The following USH1C variants were observed in gnomAD, a reference collection of about 807,000 sequenced individuals.
The protein encoded by USH1C is USH1 protein network component harmonin.
A neutral mutation model predicts 119.3 loss-of-function variants in USH1C; 90 were observed. The observed-to-expected ratio is 0.75, with a 90% CI of 0.64 to 0.90. The LOEUF is 0.90. Among genes scored for constraint, USH1C ranks in the 40% least tolerant of loss-of-function variants. USH1C has a pLI of 0.00. For missense variants in USH1C, 1,165 were observed against 1,167.7 expected, an observed-to-expected ratio of 1.00 and a Z score of 0.03; for synonymous variants, 465 against 443.3, an observed-to-expected ratio of 1.05 and a Z score of -0.62.
At chr11:17,527,480 C>T in intron 4 of USH1C, 149 bp from the exon 5 acceptor site, 1 of 697,062 alleles carries the variant, frequency 1.4e-6, no homozygotes, top group East Asian at 2.7e-5. Context: ...TCAACCAACC[C>T]ACCCTCCATC....
At chr11:17,523,360 G>T (rs1565052024) in intron 10 of USH1C, 59 bp downstream of exon 10, 1 of 1,613,510 alleles carries the variant, frequency 6.2e-7, no homozygotes, top group Non-Finnish European at 8.5e-7. Flanking sequence ...GGGTGGTGGG[G>T]ATGAGAAGTG....
chr11:17,494,116 C>G lies in USH1C; in HGVS notation c.*216G>C, dbSNP rs1393716061. The stretch of plus-strand genomic sequence containing the variant: ...GAGTCTGGATCCTTGAGATCTTCTC[C>G]CAAATGGCTGGCTGCTCCCTTTCCT... On this transcript the variant is annotated 3_prime_UTR_variant, in exon 27 of 27. Transcript: ENST00000005226. 2 of 607,020 alleles carry G rather than the reference C, an allele frequency of 3.3e-6. No individual in the cohort carries two copies. The highest frequency in any genetic ancestry group is 3.7e-5 in the African/African-American group (2 of 53,916). The allele number at this position is 607,020 out of a possible 1,614,324, so 37.6% of individuals were successfully genotyped here. A position where few individuals can be genotyped will look rare whatever the true frequency, so the allele number is the denominator to read the frequency against.
intron 1 of USH1C, among the ~76,000 whole-genome samples, chr11:17,534,897 C>T (rs1004519458): frequency 4.2e-5 from 6 of 143,518 alleles, no homozygotes; most frequent in African/African-American, 7.6e-5. Context: ...AAAAAAGGAG[C>T]TCCCAGATGA....
Position 17,509,592 on chromosome 11 carries a change from A to T in USH1C, c.1777T>A (p.Ser593Thr). 1.3e-6 allele frequency: 2 copies of T among 1,571,086 alleles called. No individual in the cohort carries two copies. Among genetic ancestry groups the T allele is most frequent in the Non-Finnish European group, 1.7e-6 (2 of 1,165,088 alleles). Residue 593 changes from serine to threonine, a missense_variant, in exon 18 of 27, where the codon TCT (serine) becomes ACT (threonine). By Grantham distance (58) the Ser-to-Thr change is moderately conservative (BLOSUM62 1). Coordinates refer to ENST00000005226, the MANE Select transcript of USH1C (RefSeq NM_153676.4). ...GGTGGAGTGCGCTGCACCCATGGAG[A>T]GGATGAGGCGCTCACATGGCCAGAT... is the stretch of plus-strand genomic sequence containing the variant. ...PLSGHVSASS[S>T]PWVQRTPPPI...
At chr11:17,494,450 C>T in intron 26 of USH1C, 74 bp from the exon 27 acceptor site, 3 of 1,516,200 alleles carry the variant, frequency 2.0e-6, no homozygotes, top group Admixed American at 3.9e-5. Context: ...AGAGCAAGGC[C>T]CCACAAGGGG....
intron 1 of USH1C, among the ~76,000 whole-genome samples, chr11:17,543,507 C>A (rs1461777740): frequency 6.6e-6 from 1 of 152,194 alleles, no homozygotes; most frequent in Non-Finnish European, 1.5e-5. Flanking sequence ...CCTCTCTGGT[C>A]TCAGGGCCTC....
rs770331652 is a variant in USH1C, at chr11:17,496,810, A to C, written c.2494T>G (p.Trp832Gly). The C allele has an allele frequency of 6.2e-7, 1 of 1,614,184 alleles. No homozygotes were observed. The highest frequency in any genetic ancestry group is 1.7e-5 in the Admixed American group (1 of 60,022). Reference sequence around the variant, plus strand: ...CAGACGGCAACCACAAGGTCGATCCAGTCCTGTGGGGAGAAGCCGTGTGAC... The same window carrying C: ...CAGACGGCAACCACAAGGTCGATCCCGTCCTGTGGGGAGAAGCCGTGTGAC... ...LQKAWNQGGD[W>G]IDLVVAVCPP... is the part of the protein sequence containing the mutation. The change falls in exon 25 of 27, where the codon TGG becomes GGG. Residue 832 changes from tryptophan (W) to glycine (G), a missense_variant. Physicochemically the swap from Trp to Gly is radical, Grantham distance 184. Coordinates refer to ENST00000005226, the MANE Select transcript of USH1C (RefSeq NM_153676.4).
At position 17,509,577 on chromosome 11, in the gene USH1C, G is replaced by T. The variant is rs111033520; in HGVS notation, c.1792C>A (p.Arg598Ser). The part of the protein sequence containing the change: ...VSASSSPWVQ[R>S]TPPPIPIPPP... ...GGGATGGGAATGGGGGGTGGAGTGC[G>T]CTGCACCCATGGAGAGGATGAGGCG... Residue 598 changes from arginine to serine, a missense_variant, in exon 18 of 27, where the codon CGC (arginine) becomes AGC (serine). Transcript: ENST00000005226. 2 of 1,600,652 alleles carry T rather than the reference G, an allele frequency of 1.2e-6. No homozygotes were observed. Among genetic ancestry groups the T allele is most frequent in the Non-Finnish European group, 1.7e-6 (2 of 1,174,424 alleles).
At chr11:17,541,677 C>T (rs1307552330) in intron 1 of USH1C, among the ~76,000 whole-genome samples, 1 of 152,220 alleles carries the variant, frequency 6.6e-6, no homozygotes, top group Non-Finnish European at 1.5e-5. Context: ...AAGGTTGCTA[C>T]TAGTTACTGG....
chr11:17,531,110 G>A lies in USH1C; in HGVS notation c.387+44C>T, dbSNP rs1161530971. ...TGGATGAATGAGGGGGAGGCAGGAG[G>A]TCCGAGGCCCTCGCTCCCCCTCCCC... is the stretch of plus-strand genomic sequence containing the variant. On this transcript the variant is annotated intron_variant, in intron 4 of 26. Coordinates refer to ENST00000005226, the MANE Select transcript of USH1C (RefSeq NM_153676.4). This position sits in a 1 kb window ranked among gnomAD's most constrained non-coding sequence, Gnocchi z 4.2. 6.2e-7 allele frequency: 1 copy of A among 1,612,832 alleles called. No individual in the cohort carries two copies. Among genetic ancestry groups the A allele is most frequent in the South Asian group, 1.1e-5 (1 of 91,014 alleles).
At chr11:17,526,909 C>T (rs1646717330) in intron 6 of USH1C, 99 bp from the exon 7 acceptor site, 2 of 1,577,650 alleles carry the variant, frequency 1.3e-6, no homozygotes, top group South Asian at 1.1e-5. Flanking sequence ...CCTCCAGCCT[C>T]CACTGGCCCA....
intron 1 of USH1C, among the ~76,000 whole-genome samples, chr11:17,537,613 G>C (rs1851281877): frequency 6.6e-6 from 1 of 152,120 alleles, no homozygotes; most frequent in African/African-American, 2.4e-5. Flanking sequence ...CAAAAAAGTA[G>C]GTCCCAGCGA....
Position 17,516,268 on chromosome 11 carries a change from G to C in USH1C, c.1233C>G (p.Tyr411Ter), listed in dbSNP as rs377439949. ...TCCGGATGGTTGGGAATTTGCCATC[G>C]TAACGATAAAACCATCCAAAAGCTA... ...KPKSFGWFYR[Y>*]DGKFPTIRKK... is the part of the protein sequence containing the mutation. Residue 411 changes from tyrosine (Y) to a stop codon, truncating the protein, a stop_gained, in exon 15 of 27, where the codon TAC (tyrosine) becomes TAG (stop). Coordinates refer to ENST00000005226, the MANE Select transcript of USH1C (RefSeq NM_153676.4). LOFTEE classifies it high-confidence loss of function. 1.2e-6 allele frequency: 2 copies of C among 1,613,512 alleles called. No individual in the cohort carries two copies. Among genetic ancestry groups the C allele is most frequent in the Non-Finnish European group, 1.7e-6 (2 of 1,179,856 alleles).
chr11:17,544,127 C>T, intron 1 of USH1C, 145 bp downstream of exon 1: 2 of 1,034,758 alleles, frequency 1.9e-6, no homozygotes, highest in Admixed American at 2.0e-5. Context: ...CTGCTGCCAG[C>T]CAGACGACCC....
At chr11:17,514,797 CTTTTTTTTT>C (rs57651457) in intron 15 of USH1C, among the ~76,000 whole-genome samples, 2 of 138,938 alleles carry the variant, frequency 1.4e-5, no homozygotes, top group African/African-American at 2.8e-5. Context: ...AGAAGCAATT[CTTTTTTTTT>C]TTTTTTTTTT....
At chr11:17,517,298 C>A in intron 14 of USH1C, 1 of 1,217,684 alleles carries the variant, frequency 8.2e-7, no homozygotes, top group Non-Finnish European at 1.2e-6. Flanking sequence ...TTGGCCCCCA[C>A]ACATGCTGGG....
chr11:17,524,598 A>C, intron 8 of USH1C, 63 bp from the exon 9 acceptor site: 1 of 1,535,264 alleles, frequency 6.5e-7, no homozygotes, highest in Non-Finnish European at 8.8e-7. Context: ...CTCAGGATAC[A>C]GGTCACTCAT....
chr11:17,501,882 C>A, intron 21 of USH1C, 57 bp downstream of exon 21: 1 of 1,592,584 alleles, frequency 6.3e-7, no homozygotes, highest in East Asian at 2.2e-5. Context: ...ACCCTCTAAC[C>A]CCCACACTGC....
At chr11:17,517,597 C>G in intron 14 of USH1C, 1 of 915,316 alleles carries the variant, frequency 1.1e-6, no homozygotes, top group South Asian at 1.4e-5. Context: ...GCTGTGAGGT[C>G]AGGGGCAGGG....
Sources: allele counts gnomAD v4.1 joint callset (sites outside exome capture counted in the v4.1 genomes callset), GRCh38; gene constraint gnomAD v4.1.1; non-coding constraint Gnocchi (gnomAD v3.1); transcripts MANE v1.5; gene names NCBI Gene and HGNC (gene_info 2026-07-23, HGNC 2026-07-21).